OTUD7A: variants seen among roughly 807,000 people sequenced by gnomAD.
OTUD7A encodes the protein OTU domain-containing protein 7A.
A neutral mutation model predicts 65.7 loss-of-function variants in OTUD7A; 12 were observed. That is an observed-to-expected ratio of 0.18 (90% CI 0.12 to 0.30). The LOEUF (loss-of-function observed/expected upper bound fraction) is 0.30. OTUD7A is among the 10% of genes least tolerant of loss of function. OTUD7A has a pLI of 1.00. For missense variants in OTUD7A, 1,148 were observed against 1,304.8 expected (o/e 0.88, Z 1.85); for synonymous variants, 641 against 586.3 (o/e 1.09, Z -1.35).
chr15:31,540,709 A>G (rs1165269625), intron 5 of OTUD7A, among the ~76,000 whole-genome samples: 1 of 152,214 alleles, frequency 6.6e-6, no homozygotes, highest in African/African-American at 2.4e-5. Flanking sequence ...ATCCTGAGTT[A>G]AATAAAGGAG....
At chr15:31,551,060 G>A (rs1888307228) in intron 5 of OTUD7A, among the ~76,000 whole-genome samples, 1 of 152,118 alleles carries the variant, frequency 6.6e-6, no homozygotes, top group Non-Finnish European at 1.5e-5. Flanking sequence ...GTGGATGGAG[G>A]GCAAGGCTTA....
intron 3 of OTUD7A, among the ~76,000 whole-genome samples, chr15:31,633,234 C>T (rs779984849): frequency 6.6e-6 from 1 of 152,128 alleles, no homozygotes; most frequent in Non-Finnish European, 1.5e-5. Flanking sequence ...AAGCTGTAGA[C>T]CAGAGCTGTT....
intron 1 of OTUD7A, among the ~76,000 whole-genome samples, chr15:31,693,944 C>T (rs1159621526): frequency 6.6e-6 from 1 of 152,218 alleles, no homozygotes; most frequent in East Asian, 1.9e-4. Flanking sequence ...TCTGAAGATG[C>T]TCCAGGGACC....
chr15:31,522,169 G>A (rs376176607), intron 8 of OTUD7A, among the ~76,000 whole-genome samples: 120 of 152,322 alleles, frequency 7.9e-4, no homozygotes, highest in African/African-American at 2.7e-3. Flanking sequence ...ATGTGTCTGT[G>A]AGGGCATTTT....
In OTUD7A at chr15:31,483,307, C is replaced by G; in HGVS notation, c.2789G>C (p.Gly930Ala). The G allele has an allele frequency of 3.4e-6, 4 of 1,187,444 alleles. No individual in the cohort carries two copies. The highest frequency in any genetic ancestry group is 4.2e-6 in the Non-Finnish European group (4 of 957,578). The allele number at this position is 1,187,444 out of a possible 1,614,324, so 73.6% of individuals were successfully genotyped here. A position where few individuals can be genotyped will look rare whatever the true frequency, so the allele number is the denominator to read the frequency against. ...GCGCCGCGCCGCTCAGGGCCGGGCCCCGCGCGCCTCGCGCCGCCGCCGCAG... is the reference window on the plus strand; with the variant it reads ...GCGCCGCGCCGCTCAGGGCCGGGCCGCGCGCGCCTCGCGCCGCCGCCGCAG... ...EELRRRREAR[G>A]ARP is the part of the protein sequence containing the mutation. Residue 930 changes from glycine (G) to alanine (A), a missense_variant, in exon 13 of 13, where the codon GGG becomes GCG. This residue lies in a region of OTUD7A where 842 missense variants were observed against 769.5 expected (regional missense o/e 1.09). Transcript: ENST00000307050.
chr15:31,575,389 C>G (rs1889174324), intron 3 of OTUD7A, among the ~76,000 whole-genome samples: 1 of 152,172 alleles, frequency 6.6e-6, no homozygotes, highest in African/African-American at 2.4e-5. Flanking sequence ...GTATGAATAT[C>G]TGCATAGGAA....
intron 1 of OTUD7A, among the ~76,000 whole-genome samples, chr15:31,794,729 G>T (rs1292649985): frequency 6.6e-6 from 1 of 152,138 alleles, no homozygotes; most frequent in Non-Finnish European, 1.5e-5. Context: ...CCACCGTCTG[G>T]GGGATGCTCC....
intron 3 of OTUD7A, among the ~76,000 whole-genome samples, chr15:31,638,101 A>C (rs1322580382): frequency 2.6e-5 from 4 of 152,202 alleles, no homozygotes. Flanking sequence ...ATCTTTCATG[A>C]GAGGAAGAGT....
At chr15:31,793,326 C>A (rs183143651) in intron 1 of OTUD7A, among the ~76,000 whole-genome samples, 1 of 152,296 alleles carries the variant, frequency 6.6e-6, no homozygotes, top group African/African-American at 2.4e-5. Context: ...GAGAACCCCA[C>A]ACTGTGTCCA....
intron 1 of OTUD7A, among the ~76,000 whole-genome samples, chr15:31,671,948 T>A (rs1005930920): frequency 6.6e-6 from 1 of 152,218 alleles, no homozygotes; most frequent in Admixed American, 6.5e-5. Flanking sequence ...GGTCCCGGAG[T>A]CTGTTGTTCC....
rs189459980 is a variant in OTUD7A, at chr15:31,553,645, T to C, written c.550+5324A>G. Among the ~76,000 whole-genome samples, 40 of 151,758 alleles carry C rather than the reference T, an allele frequency of 2.6e-4. No homozygotes were observed. In the East Asian group the frequency reaches 7.4e-3, roughly 28 times the overall value. ...ATCTACCCCCATATTCAGGGTAACA[T>C]TCTTAGGGCCATGCTGGACTCTTCC... On this transcript the variant is annotated intron_variant, in intron 5 of 12. Transcript: ENST00000307050.
In OTUD7A at chr15:31,727,425, T is replaced by TC. The variant is rs199955094; in HGVS notation, c.-99-70349_-99-70348insG. 1.2e-3 allele frequency among the ~76,000 whole-genome samples: 179 copies of TC among 152,010 alleles called. 3 individuals carry two copies. Among genetic ancestry groups the TC allele is most frequent in the Non-Finnish European group, 1.6e-4 (11 of 67,942 alleles). Reference sequence around the variant, plus strand: ...GATCTCTCCATCCACCCTCCTTTTTTTCCCCACTGCTGTCTCAGACCTTTA... The same window carrying TC: ...GATCTCTCCATCCACCCTCCTTTTTTCTCCCCACTGCTGTCTCAGACCTTTA... On this transcript the variant is annotated intron_variant, in intron 1 of 12. Coordinates refer to ENST00000307050, the MANE Select transcript of OTUD7A (RefSeq NM_001382637.1).
At chr15:31,570,331 T>G (rs1889010729) in intron 3 of OTUD7A, 134 bp from the exon 4 acceptor site, 1 of 1,050,914 alleles carries the variant, frequency 9.5e-7, no homozygotes, top group African/African-American at 1.6e-5. Flanking sequence ...TTCTTGTTTT[T>G]CAAAGGGGAA....
At chr15:31,861,704 G>A (rs1401914130) in intron 1 of OTUD7A, among the ~76,000 whole-genome samples, 1 of 152,104 alleles carries the variant, frequency 6.6e-6, no homozygotes, top group Non-Finnish European at 1.5e-5. Context: ...AACCCATCCT[G>A]GCAATTCTAG....
At chr15:31,827,510 C>T (rs1416057493) in intron 1 of OTUD7A, among the ~76,000 whole-genome samples, 2 of 152,216 alleles carry the variant, frequency 1.3e-5, no homozygotes, top group African/African-American at 2.4e-5. Flanking sequence ...CAGAGCTAAA[C>T]TGTATCATTT....
intron 1 of OTUD7A, among the ~76,000 whole-genome samples, chr15:31,681,236 T>G (rs1279269200): frequency 2.0e-5 from 3 of 151,956 alleles, no homozygotes; most frequent in African/African-American, 7.3e-5. Flanking sequence ...GTCTGCTAAG[T>G]AGATGTCTAA....
intron 3 of OTUD7A, among the ~76,000 whole-genome samples, chr15:31,612,020 C>A (rs34522308): frequency 0.17 from 25,246 of 152,188 alleles, 2,404 homozygotes; most frequent in East Asian, 0.25. Flanking sequence ...AAATGTGATA[C>A]ACCACATAAA....
intron 1 of OTUD7A, among the ~76,000 whole-genome samples, chr15:31,666,023 A>ATT (rs71113413): frequency 0.088 from 12,933 of 147,368 alleles, 1,387 homozygotes; most frequent in African/African-American, 0.26. Context: ...ATCATGGTGG[A>ATT]TTTTTTTTTT....
chr15:31,831,084 T>G (rs1047709083), intron 1 of OTUD7A, among the ~76,000 whole-genome samples: 2 of 152,170 alleles, frequency 1.3e-5, no homozygotes, highest in Non-Finnish European at 2.9e-5. Context: ...CAACAAATGA[T>G]GCTGAAAAAT....
Sources: gnomAD v4.1 joint callset for allele counts (sites outside exome capture counted in the v4.1 genomes callset) on GRCh38, gnomAD v4.1.1 for gene constraint, gnomAD v4.1.1 regional missense constraint, MANE v1.5 for transcripts, NCBI Gene and HGNC (gene_info 2026-07-23, HGNC 2026-07-21) for gene names.